AHDC1: variants seen among roughly 807,000 people sequenced by gnomAD.
AHDC1 encodes AT-hook DNA binding motif containing 1, also known as transcription factor Gibbin.
In AHDC1, 7 loss-of-function variants were observed where a neutral mutation model predicts 87.9. The ratio of observed to expected loss-of-function variants is 0.08; its 90% confidence interval spans 0.05 to 0.15. AHDC1 has a LOEUF of 0.15. AHDC1 is among the 10% of genes least tolerant of loss of function. The pLI is 1.00. For missense variants in AHDC1, 1,841 were observed against 2,253.2 expected (o/e 0.82, Z 3.70); for synonymous variants, 1,051 against 1,006.8 (o/e 1.04, Z -0.83).
chr1:27,554,177 C>A (rs1206631795), intron 5 of AHDC1, among the ~76,000 whole-genome samples: 1 of 152,214 alleles, frequency 6.6e-6, no homozygotes, highest in East Asian at 1.9e-4. Flanking sequence ...CTTCTCCAGA[C>A]CCAAGAAGGA....
At position 27,565,189 on chromosome 1, in the gene AHDC1, G is replaced by A. The variant is rs561445465; in HGVS notation, c.-628-6306C>T. Among the ~76,000 whole-genome samples, 14 of 135,504 alleles carry A rather than the reference G, an allele frequency of 1.0e-4. No individual in the cohort carries two copies. Among genetic ancestry groups the A allele is most frequent in the African/African-American group, 3.6e-4 (13 of 36,562 alleles). 88.9% of individuals were successfully genotyped at this position (135,504 alleles called of 152,430 possible). A position where few individuals can be genotyped will look rare whatever the true frequency, so the allele number is the denominator to read the frequency against. On this transcript the variant is annotated intron_variant, in intron 3 of 8. Transcript: ENST00000673934. This position sits in a 1 kb window ranked among gnomAD's most constrained non-coding sequence, Gnocchi z 4.6. ...CCAGCTTTGTTCCCCCCACCCACCCGCCGAGGGGGCCCAGCATGCCTTGCG... is the reference window on the plus strand; with the variant it reads ...CCAGCTTTGTTCCCCCCACCCACCCACCGAGGGGGCCCAGCATGCCTTGCG...
intron 8 of AHDC1, among the ~76,000 whole-genome samples, chr1:27,543,126 AG>A (rs2019003370): frequency 6.6e-6 from 1 of 152,224 alleles, no homozygotes; most frequent in Non-Finnish European, 1.5e-5. Flanking sequence ...TGCTTCAGTC[AG>A]GCCCTAGCCG....
chr1:27,590,798 G>C lies in AHDC1; in HGVS notation c.-629+12599C>G, dbSNP rs2089200964. On this transcript the variant is annotated intron_variant, in intron 3 of 8. Transcript: ENST00000673934. This position sits in a 1 kb window ranked among gnomAD's most constrained non-coding sequence, Gnocchi z 5.4. ...GTCTTAATGCTGCCTAGCAATAGTG[G>C]CTGCAGCTCTTTCTTTCTCGTGGGA... 6.6e-6 allele frequency among the ~76,000 whole-genome samples: 1 copy of C among 152,152 alleles called. No individual in the cohort carries two copies. The highest frequency in any genetic ancestry group is 6.5e-5 in the Admixed American group (1 of 15,272).
In AHDC1 at chr1:27,563,128, C is replaced by T. The variant is rs919778501; in HGVS notation, c.-628-4245G>A. ...GCTGACCAAGACACACACACACGCA[C>T]GCACGCATGCATGCACACACCCACA... On this transcript the variant is annotated intron_variant, in intron 3 of 8. Coordinates refer to ENST00000673934, the MANE Select transcript of AHDC1 (RefSeq NM_001371928.1). The surrounding 1 kb of genome is among the most constrained non-coding windows in gnomAD (Gnocchi z 6.1). Among the ~76,000 whole-genome samples the T allele has an allele frequency of 3.9e-5, 6 of 151,952 alleles. No individual in the cohort carries two copies. Among genetic ancestry groups the T allele is most frequent in the African/African-American group, 1.5e-4 (6 of 41,318 alleles).
In AHDC1 at chr1:27,552,170, C is replaced by G. The variant is rs1051183974; in HGVS notation, c.-55G>C. On this transcript the variant is annotated 5_prime_UTR_variant, in exon 8 of 9. Coordinates refer to ENST00000673934, the MANE Select transcript of AHDC1 (RefSeq NM_001371928.1). ...CGGGGCCGGGGCTGACATGAGGGTG[C>G]GAGAAGCCGGGACCAGGACCTGCCA... 3 of 1,424,766 alleles carry G rather than the reference C, an allele frequency of 2.1e-6. No individual in the cohort carries two copies. Among genetic ancestry groups the G allele is most frequent in the Non-Finnish European group, 2.7e-6 (3 of 1,091,900 alleles). The allele number at this position is 1,424,766 out of a possible 1,614,324, so 88.3% of individuals were successfully genotyped here. A position where few individuals can be genotyped will look rare whatever the true frequency, so the allele number is the denominator to read the frequency against.
rs1019168706 is a variant in AHDC1 at position 27,562,630 on chromosome 1, GC to G, written c.-628-3748del. On this transcript the variant is annotated intron_variant, in intron 3 of 8. Transcript: ENST00000673934. This position sits in a 1 kb window ranked among gnomAD's most constrained non-coding sequence, Gnocchi z 4.4. Reference sequence around the variant, plus strand: ...ACATATGGGTGAGAGGGTAGATCATGCGGGACTGAGCACCCCCCAGCTCCCA... The same window carrying G: ...ACATATGGGTGAGAGGGTAGATCATGGGGACTGAGCACCCCCCAGCTCCCA... 1.3e-5 allele frequency among the ~76,000 whole-genome samples: 2 copies of G among 152,186 alleles called. No homozygotes were observed. Among genetic ancestry groups the G allele is most frequent in the African/African-American group, 4.8e-5 (2 of 41,434 alleles).
intron 5 of AHDC1, among the ~76,000 whole-genome samples, chr1:27,557,307 T>G (rs1180426879): frequency 7.0e-6 from 1 of 142,222 alleles, no homozygotes; most frequent in Non-Finnish European, 1.5e-5. Flanking sequence ...ACTCCCGTCC[T>G]TGTCTTTCCT....
Position 27,547,127 on chromosome 1 carries a change from GCT to G in AHDC1, c.*43+132_*43+133del, listed in dbSNP as rs2019203012. On this transcript the variant is annotated intron_variant, in intron 8 of 8. Coordinates refer to ENST00000673934, the MANE Select transcript of AHDC1 (RefSeq NM_001371928.1). This position sits in a 1 kb window ranked among gnomAD's most constrained non-coding sequence, Gnocchi z 4.9. ...AGCGAATCCTGAATCCCTACACCCT[GCT>G]CTCAGTCCCCAGCCTTGCCCTTAAA... The G allele has an allele frequency of 1.7e-6, 1 of 595,762 alleles. No individual in the cohort carries two copies. Among genetic ancestry groups the G allele is most frequent in the Admixed American group, 3.4e-5 (1 of 29,390 alleles). 36.9% of individuals were successfully genotyped at this position (595,762 alleles called of 1,614,324 possible).
In AHDC1 at chr1:27,534,248, GTTTT is replaced by G. The variant is rs1291894418; in HGVS notation, c.*708_*711del. 2.6e-5 allele frequency: 3 copies of G among 113,662 alleles called. No homozygotes were observed. In the South Asian group the frequency reaches 8.4e-4, roughly 32 times the overall value. The allele number at this position is 113,662 out of a possible 1,614,324, so 7.0% of individuals were successfully genotyped here. A position where few individuals can be genotyped will look rare whatever the true frequency, so the allele number is the denominator to read the frequency against. On this transcript the variant is annotated 3_prime_UTR_variant, in exon 9 of 9. Transcript: ENST00000673934. The stretch of plus-strand genomic sequence containing the variant: ...CCCCCTTTCACAAGACACAAGGTTG[GTTTT>G]TTTTTTTTGTTTTTTTTTTGTTTTT...
rs756739229 is a variant in AHDC1, at chr1:27,550,097, G to T, written c.2019C>A (p.Gly673=). The change falls in exon 8 of 9, where the codon GGC becomes GGA. Residue 673 remains glycine (G), a synonymous_variant. Coordinates refer to ENST00000673934, the MANE Select transcript of AHDC1 (RefSeq NM_001371928.1). ...QGFRRRGGKA[G]GFGGRGGGHA... ...GGCCCCCACCCCGGCCACCAAAACC[G>T]CCTGCTTTGCCCCCACGCCGCCGGA... The T allele has an allele frequency of 5.0e-6, 8 of 1,609,762 alleles. No homozygotes were observed. Among genetic ancestry groups the T allele is most frequent in the African/African-American group, 1.3e-5 (1 of 75,024 alleles).
intron 3 of AHDC1, among the ~76,000 whole-genome samples, chr1:27,575,963 C>G (rs1158209970): frequency 2.0e-5 from 3 of 152,062 alleles, no homozygotes; most frequent in African/African-American, 7.2e-5. Context: ...CGGGCTCTGC[C>G]CCGGCCCGGG....
chr1:27,581,626 G>A (rs867033631), intron 3 of AHDC1, among the ~76,000 whole-genome samples: 10 of 152,182 alleles, frequency 6.6e-5, no homozygotes, highest in Non-Finnish European at 1.0e-4. Flanking sequence ...ACTTGGCCAT[G>A]ACAGCTTCCT....
intron 3 of AHDC1, among the ~76,000 whole-genome samples, chr1:27,567,143 T>A (rs2020356799): frequency 6.6e-6 from 1 of 152,058 alleles, no homozygotes; most frequent in Admixed American, 6.5e-5. Context: ...GGGACCCTCC[T>A]CCTCTCTGTC....
chr1:27,577,512 G>A (rs2088789012), intron 3 of AHDC1, among the ~76,000 whole-genome samples: 1 of 152,176 alleles, frequency 6.6e-6, no homozygotes, highest in Non-Finnish European at 1.5e-5. Flanking sequence ...ATGGGGGCAG[G>A]GGCATCTGGG....
At chr1:27,557,350 C>G (rs1230176852) in intron 5 of AHDC1, among the ~76,000 whole-genome samples, 1 of 151,670 alleles carries the variant, frequency 6.6e-6, no homozygotes, top group East Asian at 2.0e-4. Context: ...TCCTCCAGCC[C>G]CACTAGGCCT....
intron 3 of AHDC1, among the ~76,000 whole-genome samples, chr1:27,571,286 G>T (rs1263641977): frequency 6.6e-6 from 1 of 152,172 alleles, no homozygotes; most frequent in Non-Finnish European, 1.5e-5. Flanking sequence ...AGAAGGAAAG[G>T]AGGCATTATG....
rs2019499978 is a variant in AHDC1, at chr1:27,550,799, G to A, written c.1317C>T (p.Ala439=). The change falls in exon 8 of 9, where the codon GCC becomes GCT. Residue 439 remains alanine, a synonymous_variant. Transcript: ENST00000673934. ...CTGAGACCGGGCCTGGGCCTGGCAG[G>A]GCAGGGGGTGGAGGAGGCGGTGGTG... is the stretch of plus-strand genomic sequence containing the variant. ...PPPPPPPPPP[A]LPGPGPVSVP... 1.3e-6 allele frequency: 2 copies of A among 1,566,304 alleles called. No homozygotes were observed. The highest frequency in any genetic ancestry group is 1.7e-6 in the Non-Finnish European group (2 of 1,156,570).
chr1:27,581,699 T>C (rs1438530825), intron 3 of AHDC1, among the ~76,000 whole-genome samples: 1 of 152,204 alleles, frequency 6.6e-6, no homozygotes, highest in African/African-American at 2.4e-5. Context: ...TAGCTACATC[T>C]TCCTCAAATC....
rs766392554 is a variant in AHDC1 at position 27,547,327 on chromosome 1, T to C, written c.4789A>G (p.Thr1597Ala). ...GPMAEPHPED[T>A]FTVTSL ...CACTACAGGGATGTGACGGTGAATG[T>C]GTCCTCGGGGTGAGGTTCCGCCATG... The change falls in exon 8 of 9, where the codon ACA becomes GCA. Residue 1597 changes from threonine to alanine, a missense_variant. Physicochemically the swap from Thr to Ala is moderately conservative, Grantham distance 58. Coordinates refer to ENST00000673934, the MANE Select transcript of AHDC1 (RefSeq NM_001371928.1). The surrounding 1 kb of genome is among the most constrained non-coding windows in gnomAD (Gnocchi z 4.9). 7.1e-6 allele frequency: 11 copies of C among 1,547,374 alleles called. No individual in the cohort carries two copies. In the South Asian group the frequency reaches 1.4e-4, roughly 19 times the overall value.
Sources: allele counts gnomAD v4.1 joint callset (sites outside exome capture counted in the v4.1 genomes callset), GRCh38; gene constraint gnomAD v4.1.1; non-coding constraint Gnocchi (gnomAD v3.1); transcripts MANE v1.5; gene names NCBI Gene and HGNC (gene_info 2026-07-23, HGNC 2026-07-21).